The following COMMD10 variants were observed in gnomAD, a reference collection of about 807,000 sequenced individuals.
COMMD10 encodes the protein COMM domain containing 10, also known as COMM domain-containing protein 10.
In COMMD10, 33 loss-of-function variants were observed where a neutral mutation model predicts 28.9. That is an observed-to-expected ratio of 1.14 (90% CI 0.87 to 1.53). The LOEUF is 1.53. Among genes scored for constraint, COMMD10 ranks in the 40% most tolerant of loss-of-function variants. The pLI is 0.00. For synonymous variants in COMMD10, 110 were observed against 81.7 expected (o/e 1.35, Z -1.87); for missense variants, 310 against 233.4 (o/e 1.33, Z -2.14).
intron 5 of COMMD10, among the ~76,000 whole-genome samples, chr5:116,203,924 C>T (rs1191780576): frequency 6.6e-6 from 1 of 152,000 alleles, no homozygotes; most frequent in African/African-American, 2.4e-5. Context: ...CTAAATGCTC[C>T]AATTAAAAGA....
chr5:116,203,541 C>G (rs1748728886), intron 5 of COMMD10, among the ~76,000 whole-genome samples: 2 of 152,114 alleles, frequency 1.3e-5, no homozygotes, highest in Admixed American at 1.3e-4. Flanking sequence ...CAGCGGATCT[C>G]TCGGCAGAAA....
At chr5:116,154,067 C>G (rs1420866908) in intron 5 of COMMD10, among the ~76,000 whole-genome samples, 1 of 152,010 alleles carries the variant, frequency 6.6e-6, no homozygotes, top group Non-Finnish European at 1.5e-5. Context: ...TTCATATGCC[C>G]TTGGAACAGA....
chr5:116,160,828 T>G (rs923059293), intron 5 of COMMD10, among the ~76,000 whole-genome samples: 4 of 152,306 alleles, frequency 2.6e-5, no homozygotes, highest in Admixed American at 6.5e-5. Flanking sequence ...GGTTCTGTTT[T>G]CTGCCTCTCT....
At position 116,195,655 on chromosome 5, in the gene COMMD10, C is replaced by T. The variant is rs146714927; in HGVS notation, c.510+61477C>T. ...ACTACAAAAGACTACTGAAAGAAAT[C>T]ATAGATGACCCAAACAAATGGAAGC... On this transcript the variant is annotated intron_variant, in intron 5 of 6. Coordinates refer to ENST00000274458, the MANE Select transcript of COMMD10 (RefSeq NM_016144.4). 5.5e-4 allele frequency among the ~76,000 whole-genome samples: 83 copies of T among 152,126 alleles called. 4 individuals carry two copies. In the East Asian group the frequency reaches 0.012, roughly 23 times the overall value.
intron 5 of COMMD10, among the ~76,000 whole-genome samples, chr5:116,281,140 T>G (rs1387159100): frequency 6.6e-6 from 1 of 151,848 alleles, no homozygotes; most frequent in Non-Finnish European, 1.5e-5. Flanking sequence ...TTACCTAGTT[T>G]ATATCTGTAT....
At chr5:116,133,328 A>C (rs77577085) in intron 4 of COMMD10, among the ~76,000 whole-genome samples, 5,003 of 152,266 alleles carry the variant, frequency 0.033, 96 homozygotes, top group Non-Finnish European at 0.05. Flanking sequence ...AAGAAAAGTT[A>C]CTCTGCCTTA....
intron 5 of COMMD10, among the ~76,000 whole-genome samples, chr5:116,168,822 C>T (rs1031971317): frequency 1.3e-5 from 2 of 152,070 alleles, no homozygotes; most frequent in African/African-American, 4.8e-5. Context: ...TGGGACACAG[C>T]TAAAGCAGTG....
At chr5:116,274,923 G>T (rs1036590592) in intron 5 of COMMD10, among the ~76,000 whole-genome samples, 17 of 151,786 alleles carry the variant, frequency 1.1e-4, no homozygotes, top group African/African-American at 3.6e-4. Flanking sequence ...CTGTAGCCCA[G>T]ATTCCTAATT....
In COMMD10 at chr5:116,129,044, A is replaced by G. The variant is rs1751762243; in HGVS notation, c.400-5024A>G. Among the ~76,000 whole-genome samples, 4 of 151,856 alleles carry G rather than the reference A, an allele frequency of 2.6e-5. No homozygotes were observed. In the South Asian group the frequency reaches 8.3e-4, roughly 31 times the overall value. ...AAATAAAGAGCAGTCGTGGGTAGAT[A>G]CTTTGTGACTATGTAAACATACAAT... On this transcript the variant is annotated intron_variant, in intron 4 of 6. Transcript: ENST00000274458.
At chr5:116,275,640 A>G (rs927955306) in intron 5 of COMMD10, among the ~76,000 whole-genome samples, 3 of 151,854 alleles carry the variant, frequency 2.0e-5, no homozygotes, top group Admixed American at 6.6e-5. Context: ...TAGTCTCAAT[A>G]TCCATAAAAT....
chr5:116,123,835 A>G (rs942929794), intron 4 of COMMD10, among the ~76,000 whole-genome samples: 16 of 152,066 alleles, frequency 1.1e-4, no homozygotes, highest in African/African-American at 3.9e-4. Flanking sequence ...CATTTCTTCT[A>G]GATTTTCTAG....
At chr5:116,154,406 G>C (rs1305728627) in intron 5 of COMMD10, among the ~76,000 whole-genome samples, 1 of 152,086 alleles carries the variant, frequency 6.6e-6, no homozygotes, top group Non-Finnish European at 1.5e-5. Flanking sequence ...GCATAAAAGT[G>C]TAAACATTTC....
chr5:116,278,560 GACA>G (rs952446688), intron 5 of COMMD10, among the ~76,000 whole-genome samples: 1 of 151,726 alleles, frequency 6.6e-6, no homozygotes. Flanking sequence ...GTAACATATA[GACA>G]ACAAGTCAAG....
At chr5:116,274,870 TTC>T (rs1186310363) in intron 5 of COMMD10, among the ~76,000 whole-genome samples, 2 of 151,812 alleles carry the variant, frequency 1.3e-5, no homozygotes, top group African/African-American at 4.9e-5. Context: ...TAGCTCTAAT[TTC>T]TGTCTGTTTT....
At chr5:116,097,878 A>G (rs1289508972) in intron 4 of COMMD10, among the ~76,000 whole-genome samples, 1 of 152,116 alleles carries the variant, frequency 6.6e-6, no homozygotes, top group Non-Finnish European at 1.5e-5. Flanking sequence ...AACTATCACA[A>G]GAATAGCACT....
At chr5:116,242,336 C>G (rs1580575833) in intron 5 of COMMD10, among the ~76,000 whole-genome samples, 1 of 152,182 alleles carries the variant, frequency 6.6e-6, no homozygotes, top group African/African-American at 2.4e-5. Context: ...AGTTTTGGCT[C>G]TGCCATTAAT....
chr5:116,196,103 G>T lies in COMMD10; in HGVS notation c.510+61925G>T, dbSNP rs541491954. Among the ~76,000 whole-genome samples, 307 of 152,266 alleles carry T rather than the reference G, an allele frequency of 2.0e-3. 2 individuals carry two copies. Among genetic ancestry groups the T allele is most frequent in the Non-Finnish European group, 3.4e-3 (233 of 68,016 alleles). On this transcript the variant is annotated intron_variant, in intron 5 of 6. Coordinates refer to ENST00000274458, the MANE Select transcript of COMMD10 (RefSeq NM_016144.4). ...TACTGGGTATCTACCCAGAGGAAAA[G>T]AAGTCATTATTTGAAAAAGACACTT...
In COMMD10 at chr5:116,185,196, A is replaced by C. The variant is rs542000962; in HGVS notation, c.510+51018A>C. Among the ~76,000 whole-genome samples, 1,221 of 151,858 alleles carry C rather than the reference A, an allele frequency of 8.0e-3. 21 individuals carry two copies. Among genetic ancestry groups the C allele is most frequent in the African/African-American group, 0.028 (1,145 of 41,278 alleles). On this transcript the variant is annotated intron_variant, in intron 5 of 6. Transcript: ENST00000274458. ...ACCTATGTGATCCACAATGACCCAA[A>C]CTACAATGTATGTCTTAAGAAAGCA...
intron 4 of COMMD10, among the ~76,000 whole-genome samples, chr5:116,132,742 A>G (rs1201409679): frequency 6.6e-6 from 1 of 152,170 alleles, no homozygotes; most frequent in Non-Finnish European, 1.5e-5. Flanking sequence ...ATGGGACTTG[A>G]TAATAGTGGC....
Sources: allele counts gnomAD v4.1 joint callset (sites outside exome capture counted in the v4.1 genomes callset), GRCh38; gene constraint gnomAD v4.1.1; transcripts MANE v1.5; gene names NCBI Gene and HGNC (gene_info 2026-07-23, HGNC 2026-07-21).